The following CPS1 variants were observed in gnomAD, a reference collection of about 807,000 sequenced individuals.
The protein encoded by CPS1 is carbamoyl-phosphate synthase [ammonia], mitochondrial.
In CPS1, 109 loss-of-function variants were observed where a neutral mutation model predicts 174.6. That is an observed-to-expected ratio of 0.62 (90% CI 0.53 to 0.73). The LOEUF (loss-of-function observed/expected upper bound fraction) is 0.73, where lower values mean the gene tolerates loss of function less well. CPS1 is among the 30% of genes least tolerant of loss of function. The pLI is 0.00. For synonymous variants in CPS1, 637 were observed against 632.0 expected (o/e 1.01, Z -0.12); for missense variants, 1,689 against 1,821.9 (o/e 0.93, Z 1.33).
chr2:210,533,000 C>T (rs1174717474), intron 1 of CPS1, among the ~76,000 whole-genome samples: 1 of 152,006 alleles, frequency 6.6e-6, no homozygotes, highest in African/African-American at 2.4e-5. Flanking sequence ...TGGACAACAC[C>T]GTGAAAACAA....
At chr2:210,543,451 A>C (rs958410861) in intron 1 of CPS1, among the ~76,000 whole-genome samples, 6 of 151,928 alleles carry the variant, frequency 3.9e-5, no homozygotes, top group African/African-American at 1.2e-4. Context: ...CAAAGCCTTC[A>C]CATATGATGT....
At chr2:210,675,162 A>G (rs1173322455) in intron 35 of CPS1, among the ~76,000 whole-genome samples, 1 of 152,230 alleles carries the variant, frequency 6.6e-6, no homozygotes, top group African/African-American at 2.4e-5. Context: ...CACAAATTCA[A>G]TAGAAGTTGC....
chr2:210,573,239 A>C (rs1574539972), intron 1 of CPS1, 59 bp from the exon 2 acceptor site: 2 of 1,403,372 alleles, frequency 1.4e-6, no homozygotes, highest in East Asian at 4.6e-5. Flanking sequence ...TACCTTTGGA[A>C]TATTTTTGTG....
chr2:210,634,002 G>C (rs1330586172), intron 21 of CPS1, among the ~76,000 whole-genome samples: 5 of 152,118 alleles, frequency 3.3e-5, no homozygotes, highest in African/African-American at 1.2e-4. Flanking sequence ...TAGAAAAATC[G>C]CTTATTTGTC....
intron 1 of CPS1, among the ~76,000 whole-genome samples, chr2:210,562,844 G>A (rs1254119327): frequency 1.3e-5 from 2 of 150,148 alleles, no homozygotes; most frequent in East Asian, 3.9e-4. Flanking sequence ...ACTAGCTCAA[G>A]GGAATTACTG....
Position 210,577,420 on chromosome 2 carries a change from G to A in CPS1, c.382-1G>A. 6.2e-7 allele frequency: 1 copy of A among 1,612,466 alleles called. No individual in the cohort carries two copies. Among genetic ancestry groups the A allele is most frequent in the Non-Finnish European group, 8.5e-7 (1 of 1,178,638 alleles). On this transcript the variant is annotated splice_acceptor_variant, in intron 3 of 37. Transcript: ENST00000233072. LOFTEE classifies it high-confidence loss of function. Reference sequence around the variant, plus strand: ...TTTAAAATGACTGTCTGTCTTTCTAGGTTTCAGGTTTGCTGGTGCTGGATT... The same window carrying A: ...TTTAAAATGACTGTCTGTCTTTCTAAGTTTCAGGTTTGCTGGTGCTGGATT...
chr2:210,647,991 C>T lies in CPS1; in HGVS notation c.3270C>T (p.Ser1090=), dbSNP rs2105908091. The part of the protein sequence containing the change: ...PLQIDRAEDR[S]IFSAVLDELK... ...AGATCGACAGGGCTGAGGATCGCTC[C>T]ATCTTCTCAGCTGTCTTGGATGAGC... The change falls in exon 26 of 38, where the codon TCC becomes TCT. Residue 1090 remains serine (S), a synonymous_variant. Coordinates refer to ENST00000233072, the MANE Select transcript of CPS1 (RefSeq NM_001875.5). 1 of 1,614,040 alleles carries T rather than the reference C, an allele frequency of 6.2e-7. No homozygotes were observed. Among genetic ancestry groups the T allele is most frequent in the Non-Finnish European group, 8.5e-7 (1 of 1,179,930 alleles).
At chr2:210,668,119 T>A in intron 33 of CPS1, 67 bp from the exon 34 acceptor site, 1 of 1,026,478 alleles carries the variant, frequency 9.7e-7, no homozygotes, top group Admixed American at 1.8e-5. Context: ...TTAATTTTAA[T>A]TTTTGGTAGG....
intron 25 of CPS1, among the ~76,000 whole-genome samples, chr2:210,643,883 C>T (rs555326045): frequency 6.6e-6 from 1 of 152,168 alleles, no homozygotes; most frequent in South Asian, 2.1e-4. Context: ...GTGCATCCCA[C>T]AAATATTTCT....
At chr2:210,597,394 G>C (rs969737072) in intron 13 of CPS1, among the ~76,000 whole-genome samples, 1 of 151,714 alleles carries the variant, frequency 6.6e-6, no homozygotes, top group African/African-American at 2.4e-5. Flanking sequence ...GTGACCTTTA[G>C]CAAACCATTT....
intron 17 of CPS1, 140 bp from the exon 18 acceptor site, chr2:210,606,591 G>A (rs1698918560): frequency 2.5e-6 from 2 of 797,798 alleles, no homozygotes; most frequent in Non-Finnish European, 4.2e-6. Context: ...CAGGAATTGG[G>A]GGAATACCTG....
At chr2:210,565,617 G>A (rs756154882) in intron 1 of CPS1, among the ~76,000 whole-genome samples, 3 of 152,048 alleles carry the variant, frequency 2.0e-5, no homozygotes, top group Admixed American at 6.5e-5. Context: ...AAGTTTAAAC[G>A]TATTTCTTTG....
intron 21 of CPS1, among the ~76,000 whole-genome samples, chr2:210,627,722 A>G (rs1699738296): frequency 6.6e-6 from 1 of 152,210 alleles, no homozygotes; most frequent in African/African-American, 2.4e-5. Context: ...TCACCACCTC[A>G]AAGTGTGAGT....
At chr2:210,614,472 C>T (rs1183456477) in intron 20 of CPS1, among the ~76,000 whole-genome samples, 1 of 151,888 alleles carries the variant, frequency 6.6e-6, no homozygotes, top group African/African-American at 2.4e-5. Context: ...GAGGAAATGC[C>T]ACACTGTCTT....
At chr2:210,524,845 C>G (rs1233385676) in intron 1 of CPS1, among the ~76,000 whole-genome samples, 1 of 151,972 alleles carries the variant, frequency 6.6e-6, no homozygotes, top group Non-Finnish European at 1.5e-5. Flanking sequence ...TCTTTCTGTG[C>G]AAAACCTCCT....
At chr2:210,637,948 T>A in intron 22 of CPS1, 105 bp downstream of exon 22, 1 of 1,303,070 alleles carries the variant, frequency 7.7e-7, no homozygotes, top group Non-Finnish European at 1.1e-6. Context: ...GGAGTGGAAT[T>A]AAGAAGTGAC....
intron 1 of CPS1, among the ~76,000 whole-genome samples, chr2:210,484,896 A>C (rs1314774335): frequency 6.6e-6 from 1 of 152,166 alleles, no homozygotes; most frequent in Non-Finnish European, 1.5e-5. Flanking sequence ...ATGCAGCAGA[A>C]TCTAGACTGC....
chr2:210,629,070 AGT>A (rs1480023345), intron 21 of CPS1, among the ~76,000 whole-genome samples: 2 of 152,174 alleles, frequency 1.3e-5, no homozygotes, highest in African/African-American at 4.8e-5. Context: ...GGCCTTATAA[AGT>A]GTTTCTTCTT....
upstream of CPS1, among the ~76,000 whole-genome samples, chr2:210,552,536 G>A (rs1696758005): frequency 6.6e-6 from 1 of 151,824 alleles, no homozygotes; most frequent in African/African-American, 2.4e-5. Flanking sequence ...GAGGGCAGTT[G>A]GAAGTCTCTG....
Sources: allele counts gnomAD v4.1 joint callset (sites outside exome capture counted in the v4.1 genomes callset), GRCh38; gene constraint gnomAD v4.1.1; transcripts MANE v1.5; gene names NCBI Gene and HGNC (gene_info 2026-07-23, HGNC 2026-07-21).